The following COL21A1 variants were observed in gnomAD, a reference collection of about 807,000 sequenced individuals.
COL21A1 encodes the protein collagen type XXI alpha 1 chain.
COL21A1 carries 149 observed loss-of-function variants against 137.9 expected under a neutral mutation model. That is an observed-to-expected ratio of 1.08 (90% confidence interval 0.95 to 1.24). COL21A1 has a LOEUF of 1.24. Ranked by LOEUF, COL21A1 falls within the 50% of genes most tolerant of loss-of-function variation. COL21A1 has a pLI of 0.00. For missense variants in COL21A1, 1,167 were observed against 1,158.4 expected, an observed-to-expected ratio of 1.01 and a Z score of -0.11; for synonymous variants, 456 against 391.5, an observed-to-expected ratio of 1.16 and a Z score of -1.95.
chr6:56,324,423 T>A (rs1181876184), intron 1 of COL21A1, among the ~76,000 whole-genome samples: 1 of 152,110 alleles, frequency 6.6e-6, no homozygotes, highest in African/African-American at 2.4e-5. Context: ...CTTCTTTCTA[T>A]GGTCCAGTGA....
At chr6:56,126,865 C>A (rs1298169394) in intron 12 of COL21A1, among the ~76,000 whole-genome samples, 1 of 152,130 alleles carries the variant, frequency 6.6e-6, no homozygotes, top group Non-Finnish European at 1.5e-5. Flanking sequence ...AGATTACACA[C>A]AAGCAATCAA....
chr6:56,241,379 T>C (rs796642953), intron 1 of COL21A1, among the ~76,000 whole-genome samples: 3 of 152,232 alleles, frequency 2.0e-5, no homozygotes, highest in African/African-American at 7.2e-5. Context: ...ACATGAGAAA[T>C]AAATTTCTGT....
chr6:56,187,305 T>G (rs1218304874), intron 1 of COL21A1, among the ~76,000 whole-genome samples: 1 of 152,172 alleles, frequency 6.6e-6, no homozygotes, highest in Non-Finnish European at 1.5e-5. Context: ...ATGAAAAGGA[T>G]GTATCTAACG....
chr6:56,356,102 TGTATTCAAGCACAATGCCA>T (rs1562069926), intron 1 of COL21A1, among the ~76,000 whole-genome samples: 1 of 152,178 alleles, frequency 6.6e-6, no homozygotes, highest in African/African-American at 2.4e-5. Flanking sequence ...ACCAATGTAA[TGTATTCAAGCACAATGCCA>T]GTTTCTAAGG....
intron 23 of COL21A1, 123 bp downstream of exon 23, chr6:56,067,172 G>A (rs868534254): frequency 1.6e-4 from 126 of 806,684 alleles, no homozygotes; most frequent in Middle Eastern, 7.3e-4. Flanking sequence ...AGCAAAAGGA[G>A]AAAATAGGAT....
chr6:56,098,851 G>C (rs951064480), intron 17 of COL21A1, among the ~76,000 whole-genome samples: 2 of 147,632 alleles, frequency 1.4e-5, no homozygotes, highest in African/African-American at 5.0e-5. Flanking sequence ...GAGTAGCTGG[G>C]ACTACAGGCA....
intron 10 of COL21A1, among the ~76,000 whole-genome samples, chr6:56,148,359 A>AGAGAGAGAGAGAGAGAGAGG (rs1775012229): frequency 6.6e-6 from 1 of 151,240 alleles, no homozygotes; most frequent in Non-Finnish European, 1.5e-5. Context: ...AGAGAGAGAG[A>AGAGAGAGAGAGAGAGAGAGG]GAGAGAGAGA....
At chr6:56,184,654 A>G (rs1195123714) in intron 1 of COL21A1, among the ~76,000 whole-genome samples, 1 of 152,202 alleles carries the variant, frequency 6.6e-6, no homozygotes, top group Non-Finnish European at 1.5e-5. Context: ...ACAGTCACCA[A>G]AAAGACAATA....
intron 1 of COL21A1, among the ~76,000 whole-genome samples, chr6:56,207,533 G>A (rs1266499079): frequency 6.6e-6 from 1 of 152,134 alleles, no homozygotes; most frequent in East Asian, 1.9e-4. Context: ...CTGAAATTGA[G>A]GCAGAAATTA....
intron 1 of COL21A1, among the ~76,000 whole-genome samples, chr6:56,196,085 G>T (rs1208024882): frequency 1.3e-5 from 2 of 152,076 alleles, no homozygotes; most frequent in African/African-American, 4.8e-5. Context: ...CAATAAACAT[G>T]ATGTACCACA....
At chr6:56,307,735 C>A (rs1562049023) in intron 1 of COL21A1, among the ~76,000 whole-genome samples, 1 of 152,136 alleles carries the variant, frequency 6.6e-6, no homozygotes, top group African/African-American at 2.4e-5. Context: ...CGGTCCTGCA[C>A]CCGCTTTCCG....
At chr6:56,063,356 G>C (rs547685355) in intron 24 of COL21A1, among the ~76,000 whole-genome samples, 4 of 152,100 alleles carry the variant, frequency 2.6e-5, no homozygotes, top group Non-Finnish European at 5.9e-5. Flanking sequence ...GGGCTGTAGA[G>C]GTTAAATGAA....
chr6:56,076,015 A>G (rs188621915), intron 18 of COL21A1, among the ~76,000 whole-genome samples: 2 of 151,508 alleles, frequency 1.3e-5, no homozygotes, highest in African/African-American at 4.8e-5. Flanking sequence ...TCTTCCAAGA[A>G]GTAGGAGAGG....
intron 2 of COL21A1, among the ~76,000 whole-genome samples, chr6:56,181,263 G>T (rs949062437): frequency 2.6e-5 from 4 of 152,138 alleles, no homozygotes; most frequent in African/African-American, 9.7e-5. Context: ...GTCAAAGTAG[G>T]GACAGCAGAA....
chr6:56,088,562 G>A (rs1768486405), intron 17 of COL21A1, among the ~76,000 whole-genome samples: 1 of 151,958 alleles, frequency 6.6e-6, no homozygotes. Flanking sequence ...TTTTTACAAT[G>A]GTCCTTACAC....
chr6:56,368,303 A>G (rs1167987675), intron 1 of COL21A1, among the ~76,000 whole-genome samples: 1 of 152,242 alleles, frequency 6.6e-6, no homozygotes, highest in African/African-American at 2.4e-5. Flanking sequence ...TAATTTTTAT[A>G]TACTAGACAA....
At chr6:56,214,771 G>T (rs1396252798) in intron 1 of COL21A1, among the ~76,000 whole-genome samples, 3 of 151,980 alleles carry the variant, frequency 2.0e-5, no homozygotes, top group South Asian at 4.2e-4. Flanking sequence ...ATTTTAAAAA[G>T]ATTTTTGTCT....
intron 16 of COL21A1, among the ~76,000 whole-genome samples, chr6:56,121,807 G>T (rs1188904912): frequency 6.6e-6 from 1 of 151,426 alleles, no homozygotes; most frequent in Non-Finnish European, 1.5e-5. Flanking sequence ...TAAAACTGTT[G>T]TTAAAAATAA....
In COL21A1 at chr6:56,355,470, G is replaced by A. The variant is rs73450945; in HGVS notation, c.-39+38501C>T. ...TGTAGATTAAAAAGAGACCTAAGAG[G>A]TCTATCAACCAATTGTAACACATAA... On this transcript the variant is annotated intron_variant, in intron 1 of 28. Transcript: ENST00000370819. Among the ~76,000 whole-genome samples, 1,092 of 152,234 alleles carry A rather than the reference G, an allele frequency of 7.2e-3. 10 individuals carry two copies. Among genetic ancestry groups the A allele is most frequent in the African/African-American group, 0.025 (1,024 of 41,532 alleles).
Sources: gnomAD v4.1 joint callset for allele counts (sites outside exome capture counted in the v4.1 genomes callset) on GRCh38, gnomAD v4.1.1 for gene constraint, MANE v1.5 for transcripts, NCBI Gene and HGNC (gene_info 2026-07-23, HGNC 2026-07-21) for gene names.